RNF130: variants seen among roughly 807,000 people sequenced by gnomAD.
RNF130 encodes the protein ring finger protein 130.
In RNF130, 21 loss-of-function variants were observed where a neutral mutation model predicts 44.6. The observed-to-expected ratio is 0.47, with a 90% CI of 0.33 to 0.68. The LOEUF is 0.68. RNF130 is among the 30% of genes least tolerant of loss of function. The probability of loss-of-function intolerance (pLI) is 0.02; values close to 1 mark genes in which losing one functional copy is unlikely to be tolerated. For synonymous variants in RNF130, 214 were observed against 210.4 expected, an observed-to-expected ratio of 1.02 and a Z score of -0.15; for missense variants, 479 against 560.6, an observed-to-expected ratio of 0.85 and a Z score of 1.47.
At chr5:179,953,654 T>A (rs1277545056), downstream of RNF130, among the ~76,000 whole-genome samples, 1 of 152,150 alleles carries the variant, frequency 6.6e-6, no homozygotes, top group Non-Finnish European at 1.5e-5. Context: ...GATCTAAAAG[T>A]TAAGAGCAAA....
intron 3 of RNF130, among the ~76,000 whole-genome samples, chr5:179,996,458 G>A (rs1763198453): frequency 6.6e-6 from 1 of 152,202 alleles, no homozygotes; most frequent in Non-Finnish European, 1.5e-5. Flanking sequence ...TTGTGGGTAA[G>A]TCATATATGG....
intron 3 of RNF130, among the ~76,000 whole-genome samples, chr5:180,012,274 G>T (rs1349247348): frequency 6.6e-6 from 1 of 152,140 alleles, no homozygotes; most frequent in Non-Finnish European, 1.5e-5. Flanking sequence ...ACCATGTTAG[G>T]AGAAGACAGC....
exon 8 of RNF130, chr5:179,912,652 C>T (rs558249264): frequency 2.7e-4 from 41 of 152,370 alleles, no homozygotes; most frequent in African/African-American, 8.9e-4. Context: ...GCCAGCAATC[C>T]GCAGCCTTTC....
chr5:180,050,495 C>G (rs953556253), intron 1 of RNF130, among the ~76,000 whole-genome samples: 4 of 152,154 alleles, frequency 2.6e-5, no homozygotes, highest in Non-Finnish European at 5.9e-5. Context: ...CCACCCTGAC[C>G]GAAACACAAG....
chr5:180,013,940 G>C (rs1346369098), intron 2 of RNF130, among the ~76,000 whole-genome samples: 2 of 152,210 alleles, frequency 1.3e-5, no homozygotes, highest in African/African-American at 4.8e-5. Context: ...CCTTTTATTA[G>C]TGACATCTGA....
chr5:180,008,294 G>A (rs1172402847), intron 3 of RNF130, among the ~76,000 whole-genome samples: 1 of 151,928 alleles, frequency 6.6e-6, no homozygotes, highest in Non-Finnish European at 1.5e-5. Flanking sequence ...CTCCAGCCAG[G>A]CGCCAAGGGC....
rs766998465 is a variant in RNF130 at position 180,020,756 on chromosome 5, G to A, written c.443-7445C>T. On this transcript the variant is annotated intron_variant, in intron 2 of 8. Coordinates refer to ENST00000521389, the MANE Select transcript of RNF130 (RefSeq NM_018434.6). ...GGGGGCAGGAGCAAGCACCTGCCCA[G>A]AACAGAAAGCTTTCTTCCTTCACAC... 7.9e-5 allele frequency among the ~76,000 whole-genome samples: 12 copies of A among 152,226 alleles called. No homozygotes were observed. In the East Asian group the frequency reaches 1.5e-3, roughly 20 times the overall value.
chr5:179,946,616 T>C (rs248331), intron 7 of RNF130, among the ~76,000 whole-genome samples: 26,794 of 150,614 alleles, frequency 0.18, 2,639 homozygotes, highest in Middle Eastern at 0.23. Context: ...TGCAGTGGTG[T>C]GATCTTGGCT....
chr5:179,985,468 C>A (rs1185640342), intron 3 of RNF130, among the ~76,000 whole-genome samples: 1 of 152,064 alleles, frequency 6.6e-6, no homozygotes, highest in Non-Finnish European at 1.5e-5. Flanking sequence ...AGAGGCATGT[C>A]TGGGGTCAAG....
At chr5:180,001,565 G>A (rs1023904421) in intron 3 of RNF130, among the ~76,000 whole-genome samples, 2 of 152,188 alleles carry the variant, frequency 1.3e-5, no homozygotes, top group Non-Finnish European at 2.9e-5. Context: ...CATTCTGGAA[G>A]TTTGGGTCAA....
intron 2 of RNF130, among the ~76,000 whole-genome samples, chr5:180,036,251 T>C (rs1026136652): frequency 6.6e-6 from 1 of 152,208 alleles, no homozygotes; most frequent in African/African-American, 2.4e-5. Context: ...CACTGTGATG[T>C]GCAACCATGA....
chr5:180,070,427 T>G (rs1056662196), intron 1 of RNF130, among the ~76,000 whole-genome samples: 52 of 152,228 alleles, frequency 3.4e-4, no homozygotes, highest in Admixed American at 1.3e-4. Context: ...AGAAAACAGC[T>G]TAGCACTTTG....
At chr5:179,987,558 G>A (rs1424894859) in intron 3 of RNF130, among the ~76,000 whole-genome samples, 5 of 152,218 alleles carry the variant, frequency 3.3e-5, no homozygotes, top group African/African-American at 1.2e-4. Flanking sequence ...GGGCATCCTT[G>A]TCTTGAACCA....
chr5:180,053,866 G>T (rs574777447), intron 1 of RNF130, among the ~76,000 whole-genome samples: 30 of 145,548 alleles, frequency 2.1e-4, no homozygotes, highest in Admixed American at 9.8e-4. Flanking sequence ...GTCTCACTCT[G>T]TCGCCCAGGC....
At chr5:179,931,928 C>T (rs1480093285) in intron 7 of RNF130, among the ~76,000 whole-genome samples, 1 of 152,170 alleles carries the variant, frequency 6.6e-6, no homozygotes, top group Non-Finnish European at 1.5e-5. Flanking sequence ...TCTGCTATCC[C>T]CCAAACCACT....
chr5:179,919,700 C>G lies in RNF130; in HGVS notation c.*617G>C, dbSNP rs565061842. Reference sequence around the variant, plus strand: ...AGCGACGCAGACGGCTGCCTGGCCCCGCACACAGACCCGGCCCCACGGCCT... The same window carrying G: ...AGCGACGCAGACGGCTGCCTGGCCCGGCACACAGACCCGGCCCCACGGCCT... On this transcript the variant is annotated 3_prime_UTR_variant, in exon 8 of 8. Transcript: ENST00000522208. 3.9e-5 allele frequency: 6 copies of G among 152,644 alleles called. No individual in the cohort carries two copies. The East Asian group carries it at 1.2e-3, about 29-fold the overall frequency. 9.5% of individuals were successfully genotyped at this position (152,644 alleles called of 1,614,324 possible).
At chr5:179,959,700 T>A (rs1762285091) in intron 8 of RNF130, among the ~76,000 whole-genome samples, 1 of 152,172 alleles carries the variant, frequency 6.6e-6, no homozygotes, top group African/African-American at 2.4e-5. Context: ...ATTCTTTTTG[T>A]ATAAATAAAG....
intron 2 of RNF130, among the ~76,000 whole-genome samples, chr5:180,024,947 C>T (rs1040039881): frequency 1.3e-5 from 2 of 152,144 alleles, no homozygotes; most frequent in Non-Finnish European, 2.9e-5. Context: ...CTGTCGCAGG[C>T]GCAGAGGTGT....
chr5:180,005,211 T>C (rs1218678734), intron 3 of RNF130, among the ~76,000 whole-genome samples: 1 of 152,164 alleles, frequency 6.6e-6, no homozygotes, highest in Non-Finnish European at 1.5e-5. Flanking sequence ...GTGGATCACC[T>C]ATGGTCAGGA....
Sources: allele counts gnomAD v4.1 joint callset (sites outside exome capture counted in the v4.1 genomes callset), GRCh38; gene constraint gnomAD v4.1.1; transcripts MANE v1.5; gene names NCBI Gene and HGNC (gene_info 2026-07-23, HGNC 2026-07-21).